APPL2: variants seen among roughly 807,000 people sequenced by gnomAD.
The protein encoded by APPL2 is adaptor protein, phosphotyrosine interacting with PH domain and leucine zipper 2.
A neutral mutation model predicts 92.7 loss-of-function variants in APPL2; 84 were observed. That is an observed-to-expected ratio of 0.91 (90% CI 0.76 to 1.09). The LOEUF (loss-of-function observed/expected upper bound fraction) is 1.09. Ranked by LOEUF, APPL2 falls within the 50% of genes least tolerant of loss-of-function variation. The pLI is 0.00. For missense variants in APPL2, 736 were observed against 824.5 expected (o/e 0.89, Z 1.31); for synonymous variants, 291 against 291.0 (o/e 1.00, Z 0.00).
chr12:105,182,432 A>G (rs1372477949), intron 17 of APPL2, among the ~76,000 whole-genome samples: 1 of 152,230 alleles, frequency 6.6e-6, no homozygotes, highest in East Asian at 1.9e-4. Context: ...GCTGTGTTCC[A>G]GAGATTGTGG....
chr12:105,229,306 A>G, intron 1 of APPL2, 83 bp from the exon 2 acceptor site: 1 of 1,256,406 alleles, frequency 8.0e-7, no homozygotes, highest in Non-Finnish European at 1.1e-6. Context: ...ACACCCGCAC[A>G]TGCAGAAACC....
intron 4 of APPL2, among the ~76,000 whole-genome samples, chr12:105,215,979 A>G (rs1889651458): frequency 6.6e-6 from 1 of 152,140 alleles, no homozygotes; most frequent in Non-Finnish European, 1.5e-5. Context: ...GTGAGCCGAG[A>G]TTGCGCCACT....
At position 105,190,089 on chromosome 12, in the gene APPL2, A is replaced by G. The variant is rs371012317; in HGVS notation, c.1308T>C (p.Ser436=). Residue 436 remains serine (S), a synonymous_variant, in exon 15 of 21, where the codon AGT becomes AGC. Coordinates refer to ENST00000258530, the MANE Select transcript of APPL2 (RefSeq NM_018171.5). The stretch of plus-strand genomic sequence containing the variant: ...CGATCAGCTCCTCTGCTTCAGGTAG[A>G]CTGGCTGTTGCTTTGGGAACAATCT... ...NDKIVPKATA[S]LPEAEELIAP... The G allele has an allele frequency of 5.0e-6, 8 of 1,614,068 alleles. No individual in the cohort carries two copies. In the African/African-American group the frequency reaches 1.1e-4, roughly 22 times the overall value.
At chr12:105,231,773 T>C (rs1009004934) in intron 1 of APPL2, among the ~76,000 whole-genome samples, 1 of 152,172 alleles carries the variant, frequency 6.6e-6, no homozygotes, top group South Asian at 2.1e-4. Context: ...GTGATGCCCA[T>C]TAGAACTGAC....
chr12:105,174,725 TTCTC>T (rs1416641043), intron 20 of APPL2, among the ~76,000 whole-genome samples: 1 of 152,240 alleles, frequency 6.6e-6, no homozygotes, highest in Non-Finnish European at 1.5e-5. Flanking sequence ...AACTTTTGTC[TTCTC>T]TATCTTTAAA....
chr12:105,212,753 C>T (rs1214155108), intron 4 of APPL2, among the ~76,000 whole-genome samples: 1 of 152,344 alleles, frequency 6.6e-6, no homozygotes, highest in East Asian at 1.9e-4. Context: ...CTGGCAGTCA[C>T]GCATATTCAT....
intron 1 of APPL2, among the ~76,000 whole-genome samples, chr12:105,232,305 A>G (rs2136101572): frequency 6.6e-6 from 1 of 152,306 alleles, no homozygotes; most frequent in East Asian, 1.9e-4. Flanking sequence ...CACCCTATGC[A>G]CACAGCCTCA....
At position 105,173,901 on chromosome 12, in the gene APPL2, T is replaced by C. The variant is rs1178170198; in HGVS notation, c.*413A>G. The stretch of plus-strand genomic sequence containing the variant: ...GGCACTTAAAGCTCATTAAGTAAAA[T>C]ACAAAAATAGATTATATTAATAAGA... On this transcript the variant is annotated 3_prime_UTR_variant, in exon 21 of 21. Coordinates refer to ENST00000258530, the MANE Select transcript of APPL2 (RefSeq NM_018171.5). 6.5e-6 allele frequency: 1 copy of C among 152,818 alleles called. No individual in the cohort carries two copies. The highest frequency in any genetic ancestry group is 6.5e-5 in the Admixed American group (1 of 15,294). The allele number at this position is 152,818 out of a possible 1,614,324, so 9.5% of individuals were successfully genotyped here. A position where few individuals can be genotyped will look rare whatever the true frequency, so the allele number is the denominator to read the frequency against.
chr12:105,184,015 A>C (rs1368169701), intron 17 of APPL2, among the ~76,000 whole-genome samples: 2 of 151,962 alleles, frequency 1.3e-5, no homozygotes, highest in Non-Finnish European at 2.9e-5. Context: ...GTTAATCTTC[A>C]ATCTCTGGTA....
In APPL2 at chr12:105,215,770, G is replaced by A. The variant is rs1889632964; in HGVS notation, c.285+1299C>T. 3.3e-5 allele frequency among the ~76,000 whole-genome samples: 5 copies of A among 152,248 alleles called. No individual in the cohort carries two copies. The South Asian group carries it at 8.3e-4, about 25-fold the overall frequency. On this transcript the variant is annotated intron_variant, in intron 4 of 20. Transcript: ENST00000258530. Reference sequence around the variant, plus strand: ...AGATGGAACTATTTGGCCAGGCGCGGTGGCTCATGCCTGTAATCTCAGCAC... The same window carrying A: ...AGATGGAACTATTTGGCCAGGCGCGATGGCTCATGCCTGTAATCTCAGCAC...
chr12:105,183,070 C>CTTTTTTTT (rs56345779), intron 17 of APPL2, among the ~76,000 whole-genome samples: 1 of 88,398 alleles, frequency 1.1e-5, no homozygotes. Context: ...GCAACCCCTG[C>CTTTTTTTT]TTTTTTTTTT....
intron 2 of APPL2, among the ~76,000 whole-genome samples, chr12:105,222,134 G>C (rs1182111068): frequency 1.3e-5 from 2 of 152,222 alleles, no homozygotes; most frequent in African/African-American, 2.4e-5. Context: ...GAGTAGTGAG[G>C]GGTGTGGCAA....
intron 16 of APPL2, 25 bp downstream of exon 16, chr12:105,189,747 T>G: frequency 6.2e-7 from 1 of 1,612,058 alleles, no homozygotes; most frequent in South Asian, 1.1e-5. Flanking sequence ...GAGGAAAGAA[T>G]AAGGACACCA....
chr12:105,217,188 A>G (rs1403658777), intron 3 of APPL2, 48 bp from the exon 4 acceptor site: 1 of 1,309,834 alleles, frequency 7.6e-7, no homozygotes, highest in South Asian at 1.3e-5. Flanking sequence ...ATACTGGGGA[A>G]TTCAGCACGA....
At chr12:105,177,095 A>G in intron 18 of APPL2, 79 bp from the exon 19 acceptor site, 4 of 1,606,226 alleles carry the variant, frequency 2.5e-6, no homozygotes, top group African/African-American at 1.3e-5. Context: ...TGGAAAAGTC[A>G]TGAGAAAAAG....
chr12:105,189,218 C>T (rs1592769314), intron 16 of APPL2, among the ~76,000 whole-genome samples: 1 of 152,138 alleles, frequency 6.6e-6, no homozygotes, highest in East Asian at 1.9e-4. Flanking sequence ...TTTGTAGAGA[C>T]AGGGTTCTCA....
intron 11 of APPL2, among the ~76,000 whole-genome samples, chr12:105,196,010 G>A (rs1329082300): frequency 3.3e-5 from 5 of 150,520 alleles, no homozygotes; most frequent in Non-Finnish European, 7.4e-5. Flanking sequence ...AGTGGTGACT[G>A]TGCCACTGCA....
At position 105,186,605 on chromosome 12, in the gene APPL2, AAT is replaced by A. The variant is rs1200030356; in HGVS notation, c.1634+1666_1634+1667del. On this transcript the variant is annotated intron_variant, in intron 17 of 20. Transcript: ENST00000258530. ...CTTGCTAAACGCTTATTTTCCATTA[AAT>A]ATATATATCATATATATATCATATA... Among the ~76,000 whole-genome samples, 6 of 126,000 alleles carry A rather than the reference AAT, an allele frequency of 4.8e-5. No homozygotes were observed. In the South Asian group the frequency reaches 1.7e-3, roughly 36 times the overall value. The allele number at this position is 126,000 out of a possible 152,430, so 82.7% of individuals were successfully genotyped here. A position where few individuals can be genotyped will look rare whatever the true frequency, so the allele number is the denominator to read the frequency against.
At chr12:105,226,114 G>A (rs1566098951) in intron 2 of APPL2, among the ~76,000 whole-genome samples, 1 of 152,094 alleles carries the variant, frequency 6.6e-6, no homozygotes, top group African/African-American at 2.4e-5. Context: ...AACTTTAGGG[G>A]AAAAAACTTG....
Sources: gnomAD v4.1 joint callset for allele counts (sites outside exome capture counted in the v4.1 genomes callset) on GRCh38, gnomAD v4.1.1 for gene constraint, MANE v1.5 for transcripts, NCBI Gene and HGNC (gene_info 2026-07-23, HGNC 2026-07-21) for gene names.